Variants in VAV3 observed in about 807,000 individuals in gnomAD.
VAV3 encodes vav guanine nucleotide exchange factor 3.
VAV3 carries 94 observed loss-of-function variants against 131.2 expected under a neutral mutation model. The observed-to-expected ratio is 0.72, with a 90% CI of 0.61 to 0.85. The LOEUF (loss-of-function observed/expected upper bound fraction) is 0.85, where lower values mean the gene tolerates loss of function less well. Among genes scored for constraint, VAV3 ranks in the 40% least tolerant of loss-of-function variants. The pLI is 0.00. For missense variants in VAV3, 939 were observed against 1,002.7 expected, an observed-to-expected ratio of 0.94 and a Z score of 0.86; for synonymous variants, 349 against 342.0, an observed-to-expected ratio of 1.02 and a Z score of -0.22.
rs187352864 is a variant in VAV3, at chr1:107,921,046, C to T, written c.204+43620G>A. ...GGTTTCCCTCTCTACTGCAATTCAC[C>T]TTCACTCTGCTCCTTGCAAGATTAT... On this transcript the variant is annotated intron_variant, in intron 1 of 26. Transcript: ENST00000370056. Among the ~76,000 whole-genome samples the T allele has an allele frequency of 3.2e-4, 49 of 152,286 alleles. No homozygotes were observed. The East Asian group carries it at 9.4e-3, about 29-fold the overall frequency.
At chr1:107,930,914 T>C (rs930842971) in intron 1 of VAV3, among the ~76,000 whole-genome samples, 8 of 152,146 alleles carry the variant, frequency 5.3e-5, no homozygotes, top group Admixed American at 2.0e-4. Context: ...AATATTCAAT[T>C]TTAAGGTATT....
chr1:107,640,763 C>T (rs1303595705), intron 20 of VAV3, among the ~76,000 whole-genome samples: 2 of 152,100 alleles, frequency 1.3e-5, no homozygotes, highest in Non-Finnish European at 1.5e-5. Context: ...TGAGCATAGA[C>T]TACTTCCCCA....
chr1:107,785,198 C>G lies in VAV3; in HGVS notation c.322-5706G>C, dbSNP rs913150257. 7.2e-5 allele frequency among the ~76,000 whole-genome samples: 11 copies of G among 152,294 alleles called. 1 individual carries two copies. Among genetic ancestry groups the G allele is most frequent in the Admixed American group, 7.2e-4 (11 of 15,296 alleles). On this transcript the variant is annotated intron_variant, in intron 2 of 26. Coordinates refer to ENST00000370056, the MANE Select transcript of VAV3 (RefSeq NM_006113.5). ...CTGTTGATGTTATTTGTAATTAAAA[C>G]AAGTCATCTAAGCAGGAGCAGTATG...
chr1:107,689,499 T>A (rs1163888910), intron 17 of VAV3, among the ~76,000 whole-genome samples: 2 of 152,060 alleles, frequency 1.3e-5, no homozygotes, highest in African/African-American at 4.8e-5. Context: ...TGTTTTTTCT[T>A]TTCTCTCTAG....
At chr1:107,592,032 TAC>T (rs890544037) in intron 25 of VAV3, among the ~76,000 whole-genome samples, 1 of 151,314 alleles carries the variant, frequency 6.6e-6, no homozygotes, top group Admixed American at 6.7e-5. Context: ...TATGTTACTA[TAC>T]ACACACACAT....
intron 16 of VAV3, 89 bp from the exon 17 acceptor site, chr1:107,704,739 A>C: frequency 5.2e-6 from 6 of 1,154,620 alleles, no homozygotes; most frequent in Non-Finnish European, 7.6e-6. Flanking sequence ...AAAAGTATCA[A>C]CAGTGCTCTT....
At chr1:107,816,892 A>G (rs1428859060) in intron 2 of VAV3, among the ~76,000 whole-genome samples, 1 of 152,204 alleles carries the variant, frequency 6.6e-6, no homozygotes, top group Admixed American at 6.5e-5. Context: ...TTATATATTA[A>G]TAAGCCTTTA....
chr1:107,687,634 T>C (rs1048790434), intron 18 of VAV3, among the ~76,000 whole-genome samples: 68 of 152,300 alleles, frequency 4.5e-4, no homozygotes, highest in African/African-American at 1.6e-3. Context: ...TGGGAACCAT[T>C]AAAATCTTTT....
intron 25 of VAV3, among the ~76,000 whole-genome samples, chr1:107,591,343 A>G (rs1046766043): frequency 1.3e-5 from 2 of 152,164 alleles, no homozygotes; most frequent in African/African-American, 4.8e-5. Flanking sequence ...CTTATTCACT[A>G]TTATAATTCA....
At chr1:107,752,288 T>G (rs970431269) in intron 12 of VAV3, among the ~76,000 whole-genome samples, 2 of 152,108 alleles carry the variant, frequency 1.3e-5, no homozygotes, top group African/African-American at 4.8e-5. Context: ...TATCCACATG[T>G]AAAAGAATAA....
At chr1:107,684,115 C>A (rs1658852522) in intron 18 of VAV3, among the ~76,000 whole-genome samples, 1 of 152,178 alleles carries the variant, frequency 6.6e-6, no homozygotes, top group African/African-American at 2.4e-5. Flanking sequence ...AAAATGAATT[C>A]TTATTATAGA....
intron 15 of VAV3, among the ~76,000 whole-genome samples, chr1:107,707,686 G>A (rs928230730): frequency 3.3e-5 from 5 of 152,158 alleles, no homozygotes; most frequent in African/African-American, 4.8e-5. Context: ...GTGTAAGAGG[G>A]TAACTCAAGA....
chr1:107,576,754 A>G (rs1048538711), intron 25 of VAV3, among the ~76,000 whole-genome samples: 7 of 152,168 alleles, frequency 4.6e-5, no homozygotes, highest in South Asian at 4.1e-4. Context: ...GTGGTGCCCA[A>G]TTCCCACTTT....
chr1:107,774,629 C>G (rs949898314), intron 4 of VAV3, among the ~76,000 whole-genome samples: 1 of 152,192 alleles, frequency 6.6e-6, no homozygotes, highest in African/African-American at 2.4e-5. Flanking sequence ...CACCTACATA[C>G]GGGCATGTCT....
In VAV3 at chr1:107,603,136, T is replaced by C. The variant is rs1429396944; in HGVS notation, c.2043A>G (p.Gln681=). The C allele has an allele frequency of 1.9e-6, 3 of 1,613,442 alleles. 1 individual carries two copies. Among genetic ancestry groups the C allele is most frequent in the Non-Finnish European group, 8.5e-7 (1 of 1,179,680 alleles). Residue 681 remains glutamine (Q), a synonymous_variant, in exon 23 of 27, where the codon CAA becomes CAG. Transcript: ENST00000370056. ...CCCTATTAATAAGTTCGGTCTCTGC[T>C]TGCAATCTTTCCATTGCTCCAGCAT... is the stretch of plus-strand genomic sequence containing the variant. ...PWYAGAMERL[Q]AETELINRVN...
intron 2 of VAV3, among the ~76,000 whole-genome samples, chr1:107,861,192 C>T (rs1283606241): frequency 2.6e-5 from 4 of 151,636 alleles, no homozygotes; most frequent in Admixed American, 6.6e-5. Context: ...CTTTTGATTG[C>T]TTATCTTTCT....
intron 2 of VAV3, among the ~76,000 whole-genome samples, chr1:107,833,242 T>C (rs1668330307): frequency 6.6e-6 from 1 of 152,186 alleles, no homozygotes; most frequent in South Asian, 2.1e-4. Flanking sequence ...AACAGCTTTA[T>C]TACTGACACA....
chr1:107,821,008 G>A (rs1206085111), intron 2 of VAV3: 3 of 152,116 alleles, frequency 2.0e-5, no homozygotes, highest in Non-Finnish European at 1.5e-5. Flanking sequence ...GTCATATATT[G>A]AGAGGTACCT....
chr1:107,629,652 C>T (rs1285151593), intron 20 of VAV3, among the ~76,000 whole-genome samples: 1 of 152,080 alleles, frequency 6.6e-6, no homozygotes, highest in East Asian at 1.9e-4. Context: ...AAAGAAAATG[C>T]TGCCAAAAGG....
Sources: gnomAD v4.1 joint callset for allele counts (sites outside exome capture counted in the v4.1 genomes callset) on GRCh38, gnomAD v4.1.1 for gene constraint, MANE v1.5 for transcripts, NCBI Gene and HGNC (gene_info 2026-07-23, HGNC 2026-07-21) for gene names.